Variants in ATP2B2 observed in about 807,000 individuals in gnomAD.
ATP2B2 encodes ATPase plasma membrane Ca2+ transporting 2, also known as plasma membrane calcium-transporting ATPase 2.
In ATP2B2, 15 loss-of-function variants were observed where a neutral mutation model predicts 120.0. The ratio of observed to expected loss-of-function variants is 0.12; its 90% CI spans 0.08 to 0.19. The LOEUF (loss-of-function observed/expected upper bound fraction) is 0.19. ATP2B2 is among the 10% of genes least tolerant of loss of function. The probability of loss-of-function intolerance (pLI) is 1.00; values close to 1 mark genes in which losing one functional copy is unlikely to be tolerated. For synonymous variants in ATP2B2, 694 were observed against 700.3 expected (o/e 0.99, Z 0.14); for missense variants, 1,045 against 1,719.8 (o/e 0.61, Z 6.94).
rs753250088 is a variant in ATP2B2, at chr3:10,340,530, A to T, written c.3092T>A (p.Ile1031Asn). The stretch of plus-strand genomic sequence containing the variant: ...GGTGCCCAGCACGATGGTGCAGAAG[A>T]TGGGGTTCCGGAAGATGCCGTCAAA... ...NVFDGIFRNPIFCTIVLGTFA... is the reference protein window; with the variant it reads ...NVFDGIFRNPNFCTIVLGTFA... The change falls in exon 20 of 23, where the codon ATC becomes AAC. Residue 1031 changes from isoleucine (I) to asparagine (N), a missense_variant. This residue lies in a region of ATP2B2 where 211 missense variants were observed against 385.1 expected (regional missense o/e 0.55). Coordinates refer to ENST00000360273, the MANE Select transcript of ATP2B2 (RefSeq NM_001001331.4). The surrounding 1 kb of genome is among the most constrained non-coding windows in gnomAD (Gnocchi z 5.0). 6.2e-7 allele frequency: 1 copy of T among 1,614,072 alleles called. No individual in the cohort carries two copies. Among genetic ancestry groups the T allele is most frequent in the Non-Finnish European group, 8.5e-7 (1 of 1,180,004 alleles).
At position 10,340,381 on chromosome 3, in the gene ATP2B2, A is replaced by G; in HGVS notation, c.3130-32T>C. 1.2e-6 allele frequency: 2 copies of G among 1,613,232 alleles called. No individual in the cohort carries two copies. Among genetic ancestry groups the G allele is most frequent in the Admixed American group, 3.3e-5 (2 of 60,024 alleles). ...GTCACAGGGGAGCAGAGAAAGAGAG[A>G]GAGAGAGGCCATCAGGGACCAGCAC... On this transcript the variant is annotated intron_variant, in intron 20 of 22. Transcript: ENST00000360273. This position sits in a 1 kb window ranked among gnomAD's most constrained non-coding sequence, Gnocchi z 5.0.
chr3:10,550,947 TC>T (rs200561289), intron 2 of ATP2B2, among the ~76,000 whole-genome samples: 3,051 of 152,286 alleles, frequency 0.02, 48 homozygotes, highest in Non-Finnish European at 0.032. Context: ...GGCCTGCTGT[TC>T]CTGTGGCTGA....
intron 1 of ATP2B2, among the ~76,000 whole-genome samples, chr3:10,486,356 T>TGTGTGTGTGTGTGTGTGTG (rs1553616138): frequency 6.6e-6 from 1 of 151,948 alleles, no homozygotes; most frequent in Non-Finnish European, 1.5e-5. Context: ...TGTGTGTGTG[T>TGTGTGTGTGTGTGTGTGTG]GTGTCTCAGC....
chr3:10,503,545 C>G (rs112498809), intron 1 of ATP2B2, among the ~76,000 whole-genome samples: 3 of 152,266 alleles, frequency 2.0e-5, no homozygotes, highest in Non-Finnish European at 2.9e-5. Context: ...AAGGGGCAAG[C>G]TCTCCCTAGC....
intron 11 of ATP2B2, among the ~76,000 whole-genome samples, chr3:10,374,924 G>T (rs2061340773): frequency 6.6e-6 from 1 of 152,240 alleles, no homozygotes; most frequent in South Asian, 2.1e-4. Context: ...ACTTCAGGGA[G>T]CCACCTCTGT....
chr3:10,643,184 T>C (rs1250587370), intron 1 of ATP2B2, among the ~76,000 whole-genome samples: 1 of 152,126 alleles, frequency 6.6e-6, no homozygotes, highest in Non-Finnish European at 1.5e-5. Context: ...ACCAAAATAA[T>C]TAATACGGTA....
rs2069988539 is a variant in ATP2B2, at chr3:10,635,242, T to A, written c.-459-15281A>T. On this transcript the variant is annotated intron_variant, in intron 1 of 21. Coordinates refer to the ATP2B2 transcript ENST00000646379. The surrounding 1 kb of genome is among the most constrained non-coding windows in gnomAD (Gnocchi z 4.3). ...CATGGCATCTCTCAATTTGGGGATG[T>A]TGGCAACTAATTCCAGTTTAAAACC... 6.6e-6 allele frequency among the ~76,000 whole-genome samples: 1 copy of A among 152,160 alleles called. No homozygotes were observed. The highest frequency in any genetic ancestry group is 1.5e-5 in the Non-Finnish European group (1 of 68,026).
intron 6 of ATP2B2, 78 bp downstream of exon 6, chr3:10,388,199 T>C (rs755458422): frequency 1.0e-5 from 16 of 1,604,510 alleles, no homozygotes; most frequent in Non-Finnish European, 1.3e-5. Flanking sequence ...ATAACTATTT[T>C]GTTGAGTGAA....
Position 10,336,152 on chromosome 3 carries a change from C to T in ATP2B2, c.3420+2024G>A, listed in dbSNP as rs758350075. The T allele has an allele frequency of 3.9e-5, 60 of 1,550,602 alleles. 3 individuals carry two copies. The South Asian group carries it at 6.8e-4, about 18-fold the overall frequency. On this transcript the variant is annotated intron_variant, in intron 22 of 22. Transcript: ENST00000360273. Reference sequence around the variant, plus strand: ...ACGCCCGGCTGCAGCAGGAGGAAGGCTGGTCGGAGAGGAAAGAGCATTGGA... The same window carrying T: ...ACGCCCGGCTGCAGCAGGAGGAAGGTTGGTCGGAGAGGAAAGAGCATTGGA...
chr3:10,554,604 C>T (rs1218871317), intron 2 of ATP2B2, among the ~76,000 whole-genome samples: 3 of 152,214 alleles, frequency 2.0e-5, no homozygotes, highest in African/African-American at 4.8e-5. Flanking sequence ...TGTGGCTCTG[C>T]CTCGATTTCA....
chr3:10,458,233 A>G (rs149336186), intron 1 of ATP2B2, among the ~76,000 whole-genome samples: 66 of 152,290 alleles, frequency 4.3e-4, no homozygotes, highest in African/African-American at 1.6e-3. Flanking sequence ...CACTGGGACT[A>G]TGAGGAGAGC....
intron 2 of ATP2B2, among the ~76,000 whole-genome samples, chr3:10,615,265 A>T (rs940384485): frequency 2.0e-5 from 3 of 152,208 alleles, no homozygotes; most frequent in Non-Finnish European, 4.4e-5. Context: ...GTGGGTGATC[A>T]GGGACAGGTG....
At chr3:10,469,148 G>C (rs1293430501) in intron 1 of ATP2B2, among the ~76,000 whole-genome samples, 1 of 152,228 alleles carries the variant, frequency 6.6e-6, no homozygotes, top group Admixed American at 6.5e-5. Flanking sequence ...GCCTGGTACT[G>C]CTCCCTCCTA....
At chr3:10,644,691 A>G (rs9841925) in intron 1 of ATP2B2, among the ~76,000 whole-genome samples, 46,616 of 152,146 alleles carry the variant, frequency 0.31, 12,061 homozygotes, top group African/African-American at 0.7. Context: ...GTCTAGAATC[A>G]ATAAGTCCGC....
chr3:10,601,192 CA>C (rs767381318), intron 2 of ATP2B2, among the ~76,000 whole-genome samples: 11 of 152,100 alleles, frequency 7.2e-5, no homozygotes, highest in African/African-American at 2.7e-4. Context: ...ACTCTCTAGG[CA>C]AAAAAGAAGA....
intron 1 of ATP2B2, among the ~76,000 whole-genome samples, chr3:10,481,631 G>A (rs1273245383): frequency 1.3e-5 from 2 of 152,188 alleles, no homozygotes; most frequent in Non-Finnish European, 2.9e-5. Context: ...TCTGCCCACT[G>A]CAACCTCCAC....
At chr3:10,387,472 G>A (rs2061713690) in intron 6 of ATP2B2, among the ~76,000 whole-genome samples, 2 of 152,212 alleles carry the variant, frequency 1.3e-5, no homozygotes, top group South Asian at 2.1e-4. Flanking sequence ...TCCTCCCTTT[G>A]TGCTTGAGGA....
intron 1 of ATP2B2, among the ~76,000 whole-genome samples, chr3:10,498,303 A>C (rs1013643236): frequency 6.6e-6 from 1 of 152,230 alleles, no homozygotes. Flanking sequence ...TGTTGTCCTC[A>C]ACTACTGCGC....
At chr3:10,643,164 T>A (rs569079542) in intron 1 of ATP2B2, among the ~76,000 whole-genome samples, 26 of 152,300 alleles carry the variant, frequency 1.7e-4, no homozygotes, top group African/African-American at 6.3e-4. Flanking sequence ...AAATCTGGGA[T>A]GATGTGAGCA....
Sources: gnomAD v4.1 joint callset for allele counts (sites outside exome capture counted in the v4.1 genomes callset) on GRCh38, gnomAD v4.1.1 for gene constraint, gnomAD v4.1.1 regional missense constraint, Gnocchi (gnomAD v3.1) non-coding constraint, MANE v1.5 for transcripts, NCBI Gene and HGNC (gene_info 2026-07-23, HGNC 2026-07-21) for gene names.